PPDPFL: variants seen among roughly 807,000 people sequenced by gnomAD.
PPDPFL encodes the protein pancreatic progenitor cell differentiation and proliferation factor like.
PPDPFL carries 12 observed loss-of-function variants against 12.6 expected under a neutral mutation model. The ratio of observed to expected loss-of-function variants is 0.95; its 90% confidence interval spans 0.61 to 1.54. The LOEUF (loss-of-function observed/expected upper bound fraction) is 1.54, where lower values mean the gene tolerates loss of function less well. PPDPFL is among the 40% of genes most tolerant of loss of function. The probability of loss-of-function intolerance (pLI) is 0.00; values close to 1 mark genes in which losing one functional copy is unlikely to be tolerated. For synonymous variants in PPDPFL, 24 were observed against 32.7 expected (o/e 0.73, Z 0.91); for missense variants, 114 against 96.0 (o/e 1.19, Z -0.78).
upstream of PPDPFL, among the ~76,000 whole-genome samples, chr8:49,070,827 T>G (rs1808371868): frequency 6.6e-6 from 1 of 152,194 alleles, no homozygotes; most frequent in Non-Finnish European, 1.5e-5. Flanking sequence ...TCAAGCAAAT[T>G]AACACAGCCA....
At chr8:49,065,708 G>A (rs1228124223) in intron 1 of PPDPFL, among the ~76,000 whole-genome samples, 3 of 152,226 alleles carry the variant, frequency 2.0e-5, no homozygotes, top group Admixed American at 6.5e-5. Context: ...ACATTCAAGT[G>A]GAAGGAAATG....
chr8:49,054,734 A>G (rs1808087082), intron 1 of PPDPFL, among the ~76,000 whole-genome samples: 1 of 152,208 alleles, frequency 6.6e-6, no homozygotes, highest in East Asian at 1.9e-4. Context: ...AATTAAAGAT[A>G]TATCCATCTG....
upstream of PPDPFL, among the ~76,000 whole-genome samples, chr8:49,070,881 T>C (rs570023021): frequency 1.3e-5 from 2 of 152,300 alleles, no homozygotes; most frequent in East Asian, 3.9e-4. Context: ...TGAGTGTGTG[T>C]GTGTGTTAAG....
intron 1 of PPDPFL, among the ~76,000 whole-genome samples, chr8:49,056,333 C>T (rs558092041): frequency 7.9e-5 from 12 of 152,260 alleles, no homozygotes; most frequent in Admixed American, 3.9e-4. Flanking sequence ...TGAATTTGGT[C>T]CTTCTTGCAG....
upstream of PPDPFL, among the ~76,000 whole-genome samples, chr8:49,067,349 A>C (rs1327188056): frequency 6.6e-6 from 1 of 152,230 alleles, no homozygotes; most frequent in Non-Finnish European, 1.5e-5. Flanking sequence ...AGGAGTGACT[A>C]TGCTATGCTT....
upstream of PPDPFL, among the ~76,000 whole-genome samples, chr8:49,070,809 T>C (rs1387388806): frequency 6.6e-6 from 1 of 152,210 alleles, no homozygotes; most frequent in Admixed American, 6.5e-5. Flanking sequence ...CTAAAATGAT[T>C]ACTACACTCA....
chr8:49,058,123 A>G (rs1019428918), intron 1 of PPDPFL, among the ~76,000 whole-genome samples: 5 of 152,230 alleles, frequency 3.3e-5, no homozygotes, highest in Non-Finnish European at 7.3e-5. Context: ...CCATTGTGGA[A>G]TTAAGCATAA....
chr8:49,074,359 G>C, intron 4 of PPDPFL, 26 bp downstream of exon 4: 1 of 1,604,144 alleles, frequency 6.2e-7, no homozygotes, highest in South Asian at 1.1e-5. Flanking sequence ...CTCTGGTAAG[G>C]GCAGTTCTTA....
chr8:49,071,396 G>A (rs1307709524), upstream of PPDPFL, among the ~76,000 whole-genome samples: 3 of 152,156 alleles, frequency 2.0e-5, no homozygotes, highest in South Asian at 2.1e-4. Flanking sequence ...AGTGGCTTAC[G>A]CCTGTAATCC....
At chr8:49,067,777 T>C (rs897833207), upstream of PPDPFL, among the ~76,000 whole-genome samples, 4 of 152,224 alleles carry the variant, frequency 2.6e-5, no homozygotes, top group Admixed American at 1.3e-4. Flanking sequence ...GATATCTCAG[T>C]AGGGCACATC....
intron 2 of PPDPFL, 118 bp downstream of exon 2, chr8:49,073,003 G>A (rs975292686): frequency 5.4e-6 from 5 of 920,242 alleles, no homozygotes; most frequent in Admixed American, 2.7e-5. Flanking sequence ...AACTATTGGT[G>A]ACAATGAAGA....
At chr8:49,074,864 A>G in intron 4 of PPDPFL, 1 of 1,395,400 alleles carries the variant, frequency 7.2e-7, no homozygotes, top group Admixed American at 3.0e-5. Flanking sequence ...GATTTTAGAC[A>G]TTTGAATGCC....
chr8:49,066,362 G>A (rs1808300338), intron 1 of PPDPFL, among the ~76,000 whole-genome samples: 2 of 152,198 alleles, frequency 1.3e-5, no homozygotes, highest in African/African-American at 4.8e-5. Context: ...CTTCATCATA[G>A]TTGACAGCAG....
chr8:49,072,023 GC>G (rs1184878929), upstream of PPDPFL, among the ~76,000 whole-genome samples: 1 of 152,226 alleles, frequency 6.6e-6, no homozygotes, highest in East Asian at 1.9e-4. Context: ...GCGTGGTGCT[GC>G]AGGTGGAGTG....
At chr8:49,062,991 C>T (rs1302726732) in intron 1 of PPDPFL, among the ~76,000 whole-genome samples, 1 of 152,172 alleles carries the variant, frequency 6.6e-6, no homozygotes, top group Non-Finnish European at 1.5e-5. Context: ...TACCCTAGTT[C>T]TTCCACAAAG....
intron 1 of PPDPFL, among the ~76,000 whole-genome samples, chr8:49,064,485 C>G (rs1368209702): frequency 1.3e-5 from 2 of 152,112 alleles, no homozygotes; most frequent in African/African-American, 4.8e-5. Flanking sequence ...CAGGGATGAA[C>G]TTACTATCCA....
chr8:49,068,086 C>A (rs1002476299), upstream of PPDPFL, among the ~76,000 whole-genome samples: 28 of 152,076 alleles, frequency 1.8e-4, no homozygotes, highest in Non-Finnish European at 1.9e-4. Context: ...AGGATGTAAT[C>A]CTTATTACCA....
upstream of PPDPFL, among the ~76,000 whole-genome samples, chr8:49,068,118 T>C (rs952272172): frequency 6.6e-6 from 1 of 152,170 alleles, no homozygotes; most frequent in Non-Finnish European, 1.5e-5. Flanking sequence ...GATGCATTAG[T>C]TTTATTACAT....
intron 1 of PPDPFL, chr8:49,054,472 A>G (rs1808082101): frequency 6.6e-6 from 1 of 152,184 alleles, no homozygotes; most frequent in South Asian, 2.1e-4. Flanking sequence ...ACGTACAAAA[A>G]TATTTGTTAA....
Sources: allele counts gnomAD v4.1 joint callset (sites outside exome capture counted in the v4.1 genomes callset), GRCh38; gene constraint gnomAD v4.1.1; transcripts MANE v1.5; gene names NCBI Gene and HGNC (gene_info 2026-07-23, HGNC 2026-07-21).